Variants in REV3L observed in about 807,000 individuals in gnomAD.
REV3L encodes DNA polymerase zeta catalytic subunit.
In REV3L, 69 loss-of-function variants were observed where a neutral mutation model predicts 299.4. That is an observed-to-expected ratio of 0.23 (90% confidence interval 0.19 to 0.28). The LOEUF is 0.28. Among genes scored for constraint, REV3L ranks in the 10% least tolerant of loss-of-function variants. The pLI is 1.00. For synonymous variants in REV3L, 1,238 were observed against 1,271.4 expected, an observed-to-expected ratio of 0.97 and a Z score of 0.56; for missense variants, 3,128 against 3,693.8, an observed-to-expected ratio of 0.85 and a Z score of 3.97.
In REV3L at chr6:111,374,152, A is replaced by T; in HGVS notation, c.4203T>A (p.Ser1401Arg). ...RNYLSSIGKL[S>R]EYRNSLESKL... ...TTGATTCTAGGGAATTGCGATATTC[A>T]CTTAACTTTCCGATTGATGACAAAT... The change falls in exon 13 of 32, where the codon AGT becomes AGA. Residue 1401 changes from serine (S) to arginine (R), a missense_variant. Coordinates refer to ENST00000368802, the MANE Select transcript of REV3L (RefSeq NM_001372078.1). The T allele has an allele frequency of 6.2e-7, 1 of 1,614,086 alleles. No individual in the cohort carries two copies. Among genetic ancestry groups the T allele is most frequent in the African/African-American group, 1.3e-5 (1 of 75,060 alleles).
In REV3L at chr6:111,300,286, C is replaced by A. The variant is rs185724535; in HGVS notation, c.9253-130G>T. On this transcript the variant is annotated intron_variant, in intron 31 of 31. Transcript: ENST00000368802. Reference sequence around the variant, plus strand: ...GGCAGACATACATTACAGAAACTTTCATTAATTTTAATCTCTTGGAAGCCT... The same window carrying A: ...GGCAGACATACATTACAGAAACTTTAATTAATTTTAATCTCTTGGAAGCCT... 4.8e-6 allele frequency: 3 copies of A among 629,526 alleles called. No homozygotes were observed. In the East Asian group the frequency reaches 9.6e-5, roughly 20 times the overall value. The allele number at this position is 629,526 out of a possible 1,614,324, so 39.0% of individuals were successfully genotyped here.
In REV3L at chr6:111,374,733, G is replaced by C; in HGVS notation, c.3622C>G (p.Pro1208Ala). The C allele has an allele frequency of 6.2e-7, 1 of 1,612,602 alleles. No homozygotes were observed. Among genetic ancestry groups the C allele is most frequent in the South Asian group, 1.1e-5 (1 of 91,002 alleles). The stretch of plus-strand genomic sequence containing the variant: ...TCATTTGTTTTTTGTTTTGCTCTTG[G>C]TTTCTTTTTTCCATCATCTACTAGT... ...NKLVDDGKKK[P>A]RAKQKTNEKG... Residue 1208 changes from proline (P) to alanine (A), a missense_variant, in exon 13 of 32, where the codon CCA (proline) becomes GCA (alanine). By Grantham distance (27) the Pro-to-Ala change is conservative. This residue lies in a region of REV3L where 2,409 missense variants were observed against 2,611.8 expected (regional missense o/e 0.92). Coordinates refer to ENST00000368802, the MANE Select transcript of REV3L (RefSeq NM_001372078.1).
intron 1 of REV3L, among the ~76,000 whole-genome samples, chr6:111,441,955 G>A (rs546402042): frequency 3.3e-5 from 5 of 152,316 alleles, no homozygotes; most frequent in South Asian, 4.1e-4. Flanking sequence ...CCTGTGTCCC[G>A]GGGGTGTGAC....
intron 4 of REV3L, among the ~76,000 whole-genome samples, chr6:111,394,509 T>G (rs1782268999): frequency 6.6e-6 from 1 of 152,170 alleles, no homozygotes; most frequent in Non-Finnish European, 1.5e-5. Flanking sequence ...TTCTGGAGAT[T>G]AGTCTCATTT....
chr6:111,411,178 T>C (rs1784201785), intron 3 of REV3L, among the ~76,000 whole-genome samples: 1 of 152,204 alleles, frequency 6.6e-6, no homozygotes, highest in Non-Finnish European at 1.5e-5. Flanking sequence ...TTTCTCTTAA[T>C]GCTGAACTAA....
At position 111,449,887 on chromosome 6, in the gene REV3L, G is replaced by A. The variant is rs546047489; in HGVS notation, c.139+32863C>T. ...GAAAAAAATGTAGCAATAGAAACAAGCCAGGAAATGATACAGATGATGGAA... is the reference window on the plus strand; with the variant it reads ...GAAAAAAATGTAGCAATAGAAACAAACCAGGAAATGATACAGATGATGGAA... On this transcript the variant is annotated intron_variant, in intron 1 of 31. Transcript: ENST00000368802. Among the ~76,000 whole-genome samples, 21 of 152,152 alleles carry A rather than the reference G, an allele frequency of 1.4e-4. No individual in the cohort carries two copies. The East Asian group carries it at 3.9e-3, about 28-fold the overall frequency.
chr6:111,453,762 TCACTTGA>T (rs2128318923), intron 1 of REV3L, among the ~76,000 whole-genome samples: 1 of 152,222 alleles, frequency 6.6e-6, no homozygotes, highest in Non-Finnish European at 1.5e-5. Context: ...GGCGGGTAGA[TCACTTGA>T]GGTCAGGAGT....
intron 1 of REV3L, chr6:111,431,160 T>C: frequency 6.4e-7 from 1 of 1,553,248 alleles, no homozygotes; most frequent in South Asian, 1.1e-5. Flanking sequence ...TCAGCAGCCA[T>C]GAGTTTTTGG....
In REV3L at chr6:111,374,615, T is replaced by C; in HGVS notation, c.3740A>G (p.Asn1247Ser). The C allele has an allele frequency of 1.2e-6, 2 of 1,613,764 alleles. No individual in the cohort carries two copies. The highest frequency in any genetic ancestry group is 2.7e-5 in the African/African-American group (2 of 75,056). ...AEVKFVLKHQ[N>S]VSEFASSSGG... ...AGAACTACTTGCAAATTCAGACACA[T>C]TCTGGTGTTTCAGTACAAACTTAAC... The change falls in exon 13 of 32, where the codon AAT becomes AGT. Residue 1247 changes from asparagine to serine, a missense_variant. Transcript: ENST00000368802.
rs1582966435 is a variant in REV3L, at chr6:111,431,123, G to C, written c.140-14651C>G. 2.0e-6 allele frequency: 3 copies of C among 1,509,802 alleles called. No individual in the cohort carries two copies. In the East Asian group the frequency reaches 6.8e-5, roughly 34 times the overall value. The allele number at this position is 1,509,802 out of a possible 1,614,324, so 93.5% of individuals were successfully genotyped here. ...TCTGATTTAATCTATTCAACCTATGGGGAAGACACAGATCTTCCAAGCGAT... is the reference window on the plus strand; with the variant it reads ...TCTGATTTAATCTATTCAACCTATGCGGAAGACACAGATCTTCCAAGCGAT... On this transcript the variant is annotated intron_variant, in intron 1 of 31. Coordinates refer to ENST00000368802, the MANE Select transcript of REV3L (RefSeq NM_001372078.1).
intron 11 of REV3L, among the ~76,000 whole-genome samples, chr6:111,378,826 T>C (rs1187425240): frequency 2.0e-5 from 3 of 152,198 alleles, no homozygotes; most frequent in African/African-American, 7.2e-5. Flanking sequence ...TAATTCTAAT[T>C]AGATCAAACA....
rs751457534 is a variant in REV3L, at chr6:111,380,041, A to C, written c.1395T>G (p.Leu465=). ...CCCATCTCTGGGACATCACCAAACT[A>C]AGCTCCATTTCCTCTTTTTCAATCT... ...EPQIEKEEME[L]SLVMSQRWDS... The change falls in exon 11 of 32, where the codon CTT becomes CTG. Residue 465 remains leucine, a synonymous_variant. Transcript: ENST00000368802. The C allele has an allele frequency of 1.2e-6, 2 of 1,613,848 alleles. No homozygotes were observed. The highest frequency in any genetic ancestry group is 2.2e-5 in the South Asian group (2 of 91,074).
chr6:111,368,117 G>A, intron 13 of REV3L, 89 bp from the exon 14 acceptor site: 1 of 1,171,888 alleles, frequency 8.5e-7, no homozygotes, highest in Non-Finnish European at 1.2e-6. Flanking sequence ...AGTCCCTTTT[G>A]GAGTCTCAAA....
At chr6:111,423,875 T>C (rs1042943354) in intron 1 of REV3L, among the ~76,000 whole-genome samples, 4 of 152,082 alleles carry the variant, frequency 2.6e-5, no homozygotes, top group Non-Finnish European at 5.9e-5. Flanking sequence ...CAAAGAAAAC[T>C]GTAAAAGAGG....
chr6:111,373,984 A>G lies in REV3L; in HGVS notation c.4371T>C (p.Asn1457=). 2 of 1,614,142 alleles carry G rather than the reference A, an allele frequency of 1.2e-6. No individual in the cohort carries two copies. Among genetic ancestry groups the G allele is most frequent in the Non-Finnish European group, 1.7e-6 (2 of 1,179,990 alleles). The change falls in exon 13 of 32, where the codon AAT becomes AAC. Residue 1457 remains asparagine, a synonymous_variant. Coordinates refer to ENST00000368802, the MANE Select transcript of REV3L (RefSeq NM_001372078.1). ...TASEESQMPN[N]CFVTSLRSPI... is the part of the protein sequence containing the mutation. ...GACTTCTCAAGGAAGTTACAAAGCA[A>G]TTATTAGGCATTTGGCTTTCCTCTG... is the stretch of plus-strand genomic sequence containing the variant.
At chr6:111,324,635 C>CAGAACTCTGCA (rs1774537773) in intron 25 of REV3L, among the ~76,000 whole-genome samples, 1 of 152,108 alleles carries the variant, frequency 6.6e-6, no homozygotes, top group Non-Finnish European at 1.5e-5. Flanking sequence ...CCCAAAGAGT[C>CAGAACTCTGCA]AGAACTCTGC....
At chr6:111,424,500 T>C (rs1307151418) in intron 1 of REV3L, among the ~76,000 whole-genome samples, 1 of 152,244 alleles carries the variant, frequency 6.6e-6, no homozygotes, top group Non-Finnish European at 1.5e-5. Flanking sequence ...GAACACCAGA[T>C]GAATGCTAAA....
Position 111,309,843 on chromosome 6 carries a change from G to GT in REV3L, c.9042+9dup. On this transcript the variant is annotated intron_variant, in intron 30 of 31. Transcript: ENST00000368802. ...ATAGTTAGAGCACATGTACTATTTG[G>GT]TAAGCTTACCCTTGGTAATTCATGA... 2 of 1,611,274 alleles carry GT rather than the reference G, an allele frequency of 1.2e-6. No homozygotes were observed. Among genetic ancestry groups the GT allele is most frequent in the South Asian group, 1.1e-5 (1 of 90,550 alleles).
chr6:111,352,168 G>A (rs889678425), intron 18 of REV3L, among the ~76,000 whole-genome samples: 3 of 151,878 alleles, frequency 2.0e-5, no homozygotes, highest in South Asian at 4.2e-4. Flanking sequence ...CACCACGCCC[G>A]GCTAATTTTT....
Sources: gnomAD v4.1 joint callset for allele counts (sites outside exome capture counted in the v4.1 genomes callset) on GRCh38, gnomAD v4.1.1 for gene constraint, gnomAD v4.1.1 regional missense constraint, MANE v1.5 for transcripts, NCBI Gene and HGNC (gene_info 2026-07-23, HGNC 2026-07-21) for gene names.